Variants in GAK observed in about 807,000 individuals in gnomAD.
The protein encoded by GAK is cyclin-G-associated kinase.
GAK carries 79 observed loss-of-function variants against 143.9 expected under a neutral mutation model. The ratio of observed to expected loss-of-function variants is 0.55; its 90% CI spans 0.46 to 0.66. GAK has a LOEUF of 0.66. GAK is among the 30% of genes least tolerant of loss of function. The pLI, the probability that GAK is intolerant of heterozygous loss-of-function variation, is 0.00. For synonymous variants in GAK, 881 were observed against 765.5 expected (o/e 1.15, Z -2.49); for missense variants, 1,693 against 1,779.7 (o/e 0.95, Z 0.88).
intron 18 of GAK, among the ~76,000 whole-genome samples, chr4:873,005 C>T (rs963924646): frequency 2.0e-5 from 3 of 152,204 alleles, no homozygotes; most frequent in African/African-American, 7.2e-5. Flanking sequence ...AGGGAACACG[C>T]CTCTCGCCCA....
chr4:871,128 C>A (rs1458793845), intron 18 of GAK, among the ~76,000 whole-genome samples: 1 of 152,254 alleles, frequency 6.6e-6, no homozygotes, highest in East Asian at 1.9e-4. Flanking sequence ...CGGTCACGGC[C>A]CCAGAAGAGC....
At chr4:905,970 G>C (rs140971554) in intron 4 of GAK, among the ~76,000 whole-genome samples, 2 of 152,386 alleles carry the variant, frequency 1.3e-5, no homozygotes, top group Non-Finnish European at 2.9e-5. Flanking sequence ...ACACAGAGCA[G>C]AGGCCAGGGG....
At chr4:907,736 G>A (rs538723296) in intron 4 of GAK, among the ~76,000 whole-genome samples, 19 of 152,246 alleles carry the variant, frequency 1.2e-4, no homozygotes, top group East Asian at 7.7e-4. Flanking sequence ...GCAGCTGCAC[G>A]GGGGAGCCCA....
Position 851,872 on chromosome 4 carries a change from G to A in GAK, c.3386C>T (p.Ala1129Val), listed in dbSNP as rs763518838. The change falls in exon 25 of 28, where the codon GCC (alanine) becomes GTC (valine). Residue 1129 changes from alanine (A) to valine (V), a missense_variant. Ala to Val is a moderately conservative substitution (Grantham distance 64). This residue lies in a region of GAK where 822 missense variants were observed against 788.7 expected (regional missense o/e 1.04). Coordinates refer to ENST00000314167, the MANE Select transcript of GAK (RefSeq NM_005255.4). Reference sequence around the variant, plus strand: ...CGGCTTGGCCTGAGGGGGCCATGAGGCGCCCTGGGCTGGCGGCCGACTTGT... The same window carrying A: ...CGGCTTGGCCTGAGGGGGCCATGAGACGCCCTGGGCTGGCGGCCGACTTGT... ...WQTSRPPAQG[A>V]SWPPQAKPPP... 14 of 1,608,996 alleles carry A rather than the reference G, an allele frequency of 8.7e-6. No homozygotes were observed. The South Asian group carries it at 1.4e-4, about 16-fold the overall frequency.
At chr4:916,441 G>C (rs1723101084) in intron 1 of GAK, among the ~76,000 whole-genome samples, 2 of 152,138 alleles carry the variant, frequency 1.3e-5, no homozygotes, top group African/African-American at 4.8e-5. Context: ...TCTTTGAAGA[G>C]ACGAGGTTTC....
chr4:882,141 C>G, intron 14 of GAK, 101 bp from the exon 15 acceptor site: 1 of 1,283,752 alleles, frequency 7.8e-7, no homozygotes, highest in Non-Finnish European at 1.1e-6. Context: ...TGCAGGGACG[C>G]AGGGCTGTTC....
chr4:861,393 C>G lies in GAK; in HGVS notation c.3167-1671G>C, dbSNP rs765241982. Among the ~76,000 whole-genome samples, 4 of 152,200 alleles carry G rather than the reference C, an allele frequency of 2.6e-5. No homozygotes were observed. The South Asian group carries it at 8.3e-4, about 32-fold the overall frequency. On this transcript the variant is annotated intron_variant, in intron 23 of 27. Transcript: ENST00000314167. The stretch of plus-strand genomic sequence containing the variant: ...GTGCTTGAGCCCAGGAGTTCAAGGT[C>G]GGCCTGGACAACACGGACCCCATCT...
At chr4:869,218 C>G (rs1711809828) in intron 19 of GAK, 1 of 111,734 alleles carries the variant, frequency 8.9e-6, no homozygotes, top group African/African-American at 3.4e-5. Context: ...ATGCATGGTA[C>G]ACACGGATGC....
chr4:909,215 C>A (rs1028261803), intron 4 of GAK, among the ~76,000 whole-genome samples: 1 of 152,266 alleles, frequency 6.6e-6, no homozygotes, highest in Non-Finnish European at 1.5e-5. Context: ...ACAAGTAACA[C>A]CACGAGCGGG....
intron 5 of GAK, among the ~76,000 whole-genome samples, chr4:900,819 G>A (rs937035540): frequency 7.9e-5 from 12 of 152,062 alleles, no homozygotes; most frequent in African/African-American, 2.9e-4. Context: ...AGAAACAGAA[G>A]GAAGAGAGGG....
chr4:856,900 G>A (rs1278130254), intron 24 of GAK, among the ~76,000 whole-genome samples: 2 of 152,240 alleles, frequency 1.3e-5, no homozygotes, highest in African/African-American at 4.8e-5. Context: ...AGACATGCTT[G>A]TTACCAAGCT....
At chr4:859,957 C>G (rs539504388) in intron 23 of GAK, among the ~76,000 whole-genome samples, 6 of 152,328 alleles carry the variant, frequency 3.9e-5, no homozygotes, top group East Asian at 1.9e-4. Context: ...CACCCAGAAC[C>G]AAACCATGCT....
intron 18 of GAK, 25 bp from the exon 19 acceptor site, chr4:870,929 T>C: frequency 3.2e-6 from 5 of 1,586,272 alleles, no homozygotes; most frequent in Non-Finnish European, 4.3e-6. Context: ...AGACACCACT[T>C]AGGAAGGCCA....
At chr4:874,785 C>T (rs1404431726) in intron 18 of GAK, among the ~76,000 whole-genome samples, 2 of 151,998 alleles carry the variant, frequency 1.3e-5, no homozygotes, top group African/African-American at 2.4e-5. Context: ...TATTTCTGTT[C>T]CACTCTCTCT....
intron 9 of GAK, among the ~76,000 whole-genome samples, chr4:891,432 G>C (rs1333028889): frequency 6.6e-6 from 1 of 152,104 alleles, no homozygotes; most frequent in African/African-American, 2.4e-5. Context: ...CTGGGTTCTG[G>C]GGGCCACCCT....
Position 922,796 on chromosome 4 carries a change from C to T in GAK, c.146-9128G>A, listed in dbSNP as rs575277429. Among the ~76,000 whole-genome samples the T allele has an allele frequency of 1.8e-4, 28 of 152,352 alleles. 1 individual carries two copies. In the South Asian group the frequency reaches 5.4e-3, roughly 29 times the overall value. ...TACCACACATGAACCAGCAACTGCACTCTTAAACATTTATCCCAGAAATGA... is the reference window on the plus strand; with the variant it reads ...TACCACACATGAACCAGCAACTGCATTCTTAAACATTTATCCCAGAAATGA... On this transcript the variant is annotated intron_variant, in intron 1 of 27. Coordinates refer to ENST00000314167, the MANE Select transcript of GAK (RefSeq NM_005255.4).
In GAK at chr4:849,686, C is replaced by T. The variant is rs372996323; in HGVS notation, c.3923G>A (p.Arg1308Gln). 14 of 1,612,376 alleles carry T rather than the reference C, an allele frequency of 8.7e-6. No homozygotes were observed. Among genetic ancestry groups the T allele is most frequent in the South Asian group, 2.2e-5 (2 of 90,854 alleles). The change falls in exon 28 of 28, where the codon CGG becomes CAG. Residue 1308 changes from arginine to glutamine, a missense_variant. Arg to Gln is a conservative substitution (Grantham distance 43). This residue lies in a region of GAK where 822 missense variants were observed against 788.7 expected (regional missense o/e 1.04). Transcript: ENST00000314167. The stretch of plus-strand genomic sequence containing the variant: ...ACCACTGCGGCCTCAGAAGAGGGGC[C>T]GGGAGCCCTGGTTCTCAAACTCCGA... ...AWSEFENQGS[R>Q]PLF is the part of the protein sequence containing the mutation.
At chr4:899,492 G>A (rs1257390650) in intron 5 of GAK, among the ~76,000 whole-genome samples, 1 of 152,212 alleles carries the variant, frequency 6.6e-6, no homozygotes, top group Admixed American at 6.5e-5. Flanking sequence ...CGGCATGCAC[G>A]CGGTCAGTAT....
At chr4:900,253 G>A (rs1719611165) in intron 5 of GAK, among the ~76,000 whole-genome samples, 2 of 152,202 alleles carry the variant, frequency 1.3e-5, no homozygotes, top group Non-Finnish European at 2.9e-5. Context: ...ACGAAGCTGT[G>A]CGCACAGCAG....
Sources: allele counts gnomAD v4.1 joint callset (sites outside exome capture counted in the v4.1 genomes callset), GRCh38; gene constraint gnomAD v4.1.1; regional missense constraint gnomAD v4.1.1; transcripts MANE v1.5; gene names NCBI Gene and HGNC (gene_info 2026-07-23, HGNC 2026-07-21).